Variants in TRDN observed in about 807,000 individuals in gnomAD.
TRDN encodes the protein triadin in skeletal muscle.
TRDN carries 161 observed loss-of-function variants against 149.7 expected under a neutral mutation model. The observed-to-expected ratio is 1.08, with a 90% CI of 0.95 to 1.23. The LOEUF (loss-of-function observed/expected upper bound fraction) is 1.23, where lower values mean the gene tolerates loss of function less well. TRDN is among the 50% of genes most tolerant of loss of function. The pLI is 0.00. For missense variants in TRDN, 896 were observed against 823.5 expected (o/e 1.09, Z -1.08); for synonymous variants, 294 against 250.5 (o/e 1.17, Z -1.64).
At chr6:123,628,836 A>G (rs1785812853) in intron 1 of TRDN, among the ~76,000 whole-genome samples, 1 of 152,136 alleles carries the variant, frequency 6.6e-6, no homozygotes, top group Non-Finnish European at 1.5e-5. Context: ...AATATTGAAT[A>G]AAACCAAACC....
chr6:123,231,693 T>C (rs1243046585), intron 38 of TRDN, among the ~76,000 whole-genome samples: 2 of 152,164 alleles, frequency 1.3e-5, no homozygotes, highest in African/African-American at 4.8e-5. Context: ...TTTGGAAAAT[T>C]TAATGTCAGT....
At chr6:123,323,191 T>C (rs989697216) in intron 23 of TRDN, among the ~76,000 whole-genome samples, 11 of 152,162 alleles carry the variant, frequency 7.2e-5, no homozygotes, top group Non-Finnish European at 1.6e-4. Flanking sequence ...CTTACATGTA[T>C]GGAAAAACAC....
In TRDN at chr6:123,455,410, G is replaced by C. The variant is rs973236738; in HGVS notation, c.931+9496C>G. On this transcript the variant is annotated intron_variant, in intron 10 of 40. Transcript: ENST00000334268. The stretch of plus-strand genomic sequence containing the variant: ...GTGAAACAAAAAAGGCAACCACTGT[G>C]TGTGTGTGTGTGTGTGTGTGTGTGT... Among the ~76,000 whole-genome samples, 26 of 100,680 alleles carry C rather than the reference G, an allele frequency of 2.6e-4. 1 individual carries two copies. In the South Asian group the frequency reaches 7.8e-3, roughly 30 times the overall value. 66.0% of individuals were successfully genotyped at this position (100,680 alleles called of 152,430 possible).
intron 14 of TRDN, among the ~76,000 whole-genome samples, chr6:123,382,843 C>T (rs1003712856): frequency 6.6e-6 from 1 of 151,924 alleles, no homozygotes; most frequent in Non-Finnish European, 1.5e-5. Flanking sequence ...TTTCTGCTCC[C>T]ACCACTTGAA....
chr6:123,284,467 C>T (rs1040420453), intron 24 of TRDN, among the ~76,000 whole-genome samples: 1 of 152,018 alleles, frequency 6.6e-6, no homozygotes, highest in Non-Finnish European at 1.5e-5. Context: ...TCCAGCATCA[C>T]TTTATGATTA....
intron 1 of TRDN, among the ~76,000 whole-genome samples, chr6:123,582,686 G>T (rs1335763356): frequency 6.6e-6 from 1 of 152,136 alleles, no homozygotes; most frequent in Non-Finnish European, 1.5e-5. Context: ...GGATGTGTAC[G>T]TGCAGGTCAC....
intron 1 of TRDN, among the ~76,000 whole-genome samples, chr6:123,635,236 A>G (rs1272617060): frequency 6.6e-6 from 1 of 151,930 alleles, no homozygotes. Flanking sequence ...TATCTAAGGA[A>G]TAGGAAAAAT....
intron 38 of TRDN, among the ~76,000 whole-genome samples, chr6:123,241,535 T>C (rs1366699993): frequency 6.6e-6 from 1 of 151,550 alleles, no homozygotes; most frequent in East Asian, 1.9e-4. Flanking sequence ...AGCATATTTA[T>C]AAAGGAAGGA....
intron 10 of TRDN, among the ~76,000 whole-genome samples, chr6:123,444,727 A>T (rs201040984): frequency 1.3e-5 from 2 of 152,042 alleles, no homozygotes; most frequent in South Asian, 2.1e-4. Flanking sequence ...GTTTTTAGCA[A>T]GAAGGGTTGT....
intron 12 of TRDN, chr6:123,411,616 C>A (rs1273646983): frequency 6.6e-6 from 1 of 152,304 alleles, no homozygotes; most frequent in Non-Finnish European, 1.5e-5. Flanking sequence ...TGAAGAGTAG[C>A]CTGAGGATAT....
At chr6:123,258,161 C>G (rs1776629801) in intron 35 of TRDN, among the ~76,000 whole-genome samples, 1 of 152,128 alleles carries the variant, frequency 6.6e-6, no homozygotes, top group South Asian at 2.1e-4. Flanking sequence ...GCCAGAACTT[C>G]CAATACTATG....
intron 12 of TRDN, among the ~76,000 whole-genome samples, chr6:123,402,383 G>T (rs917917839): frequency 6.6e-6 from 1 of 152,156 alleles, no homozygotes; most frequent in Non-Finnish European, 1.5e-5. Context: ...GGCTATAACA[G>T]CACACTGTCC....
intron 24 of TRDN, among the ~76,000 whole-genome samples, chr6:123,312,294 G>A (rs964962362): frequency 7.2e-5 from 11 of 151,888 alleles, no homozygotes; most frequent in South Asian, 2.1e-4. Flanking sequence ...CATTTATTCC[G>A]CCTCTTCGAC....
In TRDN at chr6:123,391,663, T is replaced by C. The variant is rs1309442418; in HGVS notation, c.1105+1961A>G. Among the ~76,000 whole-genome samples the C allele has an allele frequency of 3.9e-5, 6 of 151,982 alleles. No homozygotes were observed. The East Asian group carries it at 9.6e-4, about 24-fold the overall frequency. On this transcript the variant is annotated intron_variant, in intron 13 of 40. Coordinates refer to ENST00000334268, the MANE Select transcript of TRDN (RefSeq NM_006073.4). ...CCAAAGAATATATGCTAAATCTTAA[T>C]AATAGTTATAAATAAATATGAACAT...
chr6:123,386,057 A>G (rs1683205896), intron 14 of TRDN, among the ~76,000 whole-genome samples: 1 of 152,154 alleles, frequency 6.6e-6, no homozygotes, highest in Non-Finnish European at 1.5e-5. Context: ...TAGAATATAT[A>G]TTTGTTCAGA....
At chr6:123,589,448 C>G (rs979359630) in intron 1 of TRDN, among the ~76,000 whole-genome samples, 44 of 152,240 alleles carry the variant, frequency 2.9e-4, no homozygotes, top group African/African-American at 1.1e-3. Flanking sequence ...CCCACTGAAA[C>G]AGAAAAGCCT....
At chr6:123,533,332 G>A (rs918072733) in intron 4 of TRDN, among the ~76,000 whole-genome samples, 3 of 151,916 alleles carry the variant, frequency 2.0e-5, no homozygotes, top group Admixed American at 2.0e-4. Context: ...AATAAAGAAG[G>A]GATTCTGGAG....
chr6:123,410,841 T>C lies in TRDN; in HGVS notation c.1052-17164A>G, dbSNP rs76257982. Among the ~76,000 whole-genome samples the C allele has an allele frequency of 5.3e-3, 804 of 152,166 alleles. 10 individuals are homozygous for C. Among genetic ancestry groups the C allele is most frequent in the African/African-American group, 0.018 (755 of 41,524 alleles). ...TTATTTCTGTCCCTTAGTGTGTTAA[T>C]ATATTTCTAAATTTTGCTTCACAAA... On this transcript the variant is annotated intron_variant, in intron 12 of 40. Transcript: ENST00000334268.
At chr6:123,502,041 A>G (rs1778723166) in intron 8 of TRDN, 2 of 984,236 alleles carry the variant, frequency 2.0e-6, no homozygotes, top group Non-Finnish European at 2.4e-6. Flanking sequence ...GACATTTCCA[A>G]ATATAACTGG....
Sources: allele counts gnomAD v4.1 joint callset (sites outside exome capture counted in the v4.1 genomes callset), GRCh38; gene constraint gnomAD v4.1.1; transcripts MANE v1.5; gene names NCBI Gene and HGNC (gene_info 2026-07-23, HGNC 2026-07-21).